Variants in IGSF10 observed in about 807,000 individuals in gnomAD.
IGSF10 encodes the protein immunoglobulin superfamily member 10, also known as calvaria mechanical force protein 608.
IGSF10 carries 126 observed loss-of-function variants against 128.2 expected under a neutral mutation model. The ratio of observed to expected loss-of-function variants is 0.98; its 90% confidence interval spans 0.85 to 1.14. The LOEUF (loss-of-function observed/expected upper bound fraction) is 1.14. Ranked by LOEUF, IGSF10 falls within the 50% of genes most tolerant of loss-of-function variation. The pLI, the probability that IGSF10 is intolerant of heterozygous loss-of-function variation, is 0.00. For missense variants in IGSF10, 3,295 were observed against 3,149.8 expected (o/e 1.05, Z -1.10); for synonymous variants, 1,185 against 1,146.2 (o/e 1.03, Z -0.68).
chr3:151,445,776 G>A lies in IGSF10; in HGVS notation c.4205C>T (p.Thr1402Ile). The change falls in exon 6 of 8, where the codon ACT (threonine) becomes ATT (isoleucine). Residue 1402 changes from threonine (T) to isoleucine (I), a missense_variant. Transcript: ENST00000282466. ...AFTHSPPENT[T>I]GISSTISFHS... ...AAAACTGATTGTGCTTGAAATCCCA[G>A]TTGTGTTTTCTGGTGGGGAATGAGT... 1 of 1,614,226 alleles carries A rather than the reference G, an allele frequency of 6.2e-7. No individual in the cohort carries two copies.
the IGSF10 span, among the ~76,000 whole-genome samples, chr3:151,562,835 G>A: frequency 4.6e-5 from 7 of 152,224 alleles, no homozygotes; most frequent in African/African-American, 1.2e-4. Flanking sequence ...TATCAAGGAC[G>A]TACATACAGG....
At chr3:151,510,059 GACAA>G in the IGSF10 span, among the ~76,000 whole-genome samples, 2 of 152,198 alleles carry the variant, frequency 1.3e-5, no homozygotes, top group African/African-American at 4.8e-5. Context: ...GCAGGGCACA[GACAA>G]ACAAAAGACA....
rs147096769 is a variant in IGSF10 at position 151,437,084 on chromosome 3, T to C, written c.7477A>G (p.Ile2493Val). The change falls in exon 8 of 8, where the codon ATT (isoleucine) becomes GTT (valine). Residue 2493 changes from isoleucine (I) to valine (V), a missense_variant. Ile to Val is a conservative substitution (Grantham distance 29, BLOSUM62 3). Coordinates refer to ENST00000282466, the MANE Select transcript of IGSF10 (RefSeq NM_178822.5). ...YILHDNGTLV[I>V]KEATAYDRGN... The stretch of plus-strand genomic sequence containing the variant: ...CTGTCATAAGCTGTTGCTTCTTTAA[T>C]GACTAAGGTGCCATTGTCATGCAAT... The C allele has an allele frequency of 4.6e-5, 75 of 1,614,122 alleles. No homozygotes were observed. The highest frequency in any genetic ancestry group is 5.9e-5 in the Non-Finnish European group (70 of 1,180,044).
At chr3:151,463,323 G>A (rs924035079), upstream of IGSF10, among the ~76,000 whole-genome samples, 2 of 151,868 alleles carry the variant, frequency 1.3e-5, no homozygotes, top group African/African-American at 2.4e-5. Context: ...TACTTTTATA[G>A]TTAGAGTATA....
chr3:151,447,764 C>G lies in IGSF10; in HGVS notation c.2217G>C (p.Glu739Asp). 1.2e-6 allele frequency: 2 copies of G among 1,614,084 alleles called. No individual in the cohort carries two copies. Among genetic ancestry groups the G allele is most frequent in the Non-Finnish European group, 1.7e-6 (2 of 1,179,998 alleles). ...RGDSTHRRFRENRRHFPPSAR... is the reference protein window; with the variant it reads ...RGDSTHRRFRDNRRHFPPSAR... ...CAGAGGGAGGGAAATGCCTCCTATT[C>G]TCCCTAAAACGTCGATGTGTTGAAT... is the stretch of plus-strand genomic sequence containing the variant. The change falls in exon 6 of 8, where the codon GAG (glutamate) becomes GAC (aspartate). Residue 739 changes from glutamate (E) to aspartate (D), a missense_variant. Glu to Asp is a conservative substitution (Grantham distance 45). Coordinates refer to ENST00000282466, the MANE Select transcript of IGSF10 (RefSeq NM_178822.5).
the IGSF10 span, among the ~76,000 whole-genome samples, chr3:151,476,889 C>T: frequency 1.3e-5 from 2 of 152,118 alleles, no homozygotes; most frequent in Non-Finnish European, 2.9e-5. Flanking sequence ...ATTAACCACC[C>T]TAGGAGTTGT....
In IGSF10 at chr3:151,446,244, TTGTCTC is replaced by T. The variant is rs761316507; in HGVS notation, c.3731_3736del (p.Arg1244_Asp1245del). On this transcript the variant is annotated inframe_deletion, in exon 6 of 8. Coordinates refer to ENST00000282466, the MANE Select transcript of IGSF10 (RefSeq NM_178822.5). ...TGTGGTGAAATGGAAAGGGGAGACT[TTGTCTC>T]TGGGTAAAGCAGGAGATGTTTTAGG... 1.9e-5 allele frequency: 30 copies of T among 1,613,638 alleles called. No individual in the cohort carries two copies. In the African/African-American group the frequency reaches 3.6e-4, roughly 19 times the overall value.
chr3:151,456,585 G>C (rs1413185743), intron 4 of IGSF10, among the ~76,000 whole-genome samples: 1 of 151,920 alleles, frequency 6.6e-6, no homozygotes, highest in Non-Finnish European at 1.5e-5. Context: ...ATGCATTCTT[G>C]GGAGTCCTCT....
Position 151,445,347 on chromosome 3 carries a change from TTAGAG to T in IGSF10, c.4629_4633del (p.Tyr1543Ter). Reference sequence around the variant, plus strand: ...TGGCATGGGAGTAGAATGTAACAGATTAGAGTAGATGAAGTGAGTGGTTCCAATTG... The same window carrying T: ...TGGCATGGGAGTAGAATGTAACAGATTAGATGAAGTGAGTGGTTCCAATTG... On this transcript the variant is annotated stop_gained and frameshift_variant, in exon 6 of 8. Transcript: ENST00000282466. LOFTEE classifies it high-confidence loss of function. 6.2e-7 allele frequency: 1 copy of T among 1,614,130 alleles called. No individual in the cohort carries two copies. Among genetic ancestry groups the T allele is most frequent in the Non-Finnish European group, 8.5e-7 (1 of 1,179,998 alleles).
chr3:151,529,872 C>T, the IGSF10 span, among the ~76,000 whole-genome samples: 10 of 152,088 alleles, frequency 6.6e-5, no homozygotes, highest in African/African-American at 1.9e-4. Flanking sequence ...GACGAATTGA[C>T]AGAAGTAGGC....
At chr3:151,610,969 A>G in the IGSF10 span, among the ~76,000 whole-genome samples, 1 of 152,324 alleles carries the variant, frequency 6.6e-6, no homozygotes, top group East Asian at 1.9e-4. Context: ...TTTAGAGGAT[A>G]CATTCAAACC....
the IGSF10 span, among the ~76,000 whole-genome samples, chr3:151,595,293 C>T: frequency 1.3e-5 from 2 of 151,900 alleles, no homozygotes; most frequent in Non-Finnish European, 2.9e-5. Flanking sequence ...ATGAAATCAG[C>T]CCCCCACAGA....
chr3:151,478,040 G>A, the IGSF10 span, among the ~76,000 whole-genome samples: 1 of 152,024 alleles, frequency 6.6e-6, no homozygotes, highest in African/African-American at 2.4e-5. Context: ...CCTTCTCCAG[G>A]GTGTGCAGGG....
the IGSF10 span, among the ~76,000 whole-genome samples, chr3:151,479,956 A>G: frequency 6.6e-6 from 1 of 152,072 alleles, no homozygotes; most frequent in African/African-American, 2.4e-5. Flanking sequence ...GAAAAAAAAA[A>G]TAAGTGACAA....
chr3:151,492,410 A>G, the IGSF10 span, among the ~76,000 whole-genome samples: 2 of 152,210 alleles, frequency 1.3e-5, no homozygotes, highest in Non-Finnish European at 2.9e-5. Context: ...TGCTGATGGG[A>G]ATATAGACTG....
chr3:151,571,441 T>C, the IGSF10 span, among the ~76,000 whole-genome samples: 1 of 152,218 alleles, frequency 6.6e-6, no homozygotes, highest in Non-Finnish European at 1.5e-5. Flanking sequence ...TTCACATCCC[T>C]TGTAAGTTGG....
chr3:151,522,801 A>T, the IGSF10 span, among the ~76,000 whole-genome samples: 1 of 152,126 alleles, frequency 6.6e-6, no homozygotes, highest in Non-Finnish European at 1.5e-5. Context: ...CTCTTTTACC[A>T]CTGCTGTTCA....
At chr3:151,519,358 T>C in the IGSF10 span, among the ~76,000 whole-genome samples, 2 of 151,550 alleles carry the variant, frequency 1.3e-5, no homozygotes, top group African/African-American at 4.8e-5. Flanking sequence ...AAAGTTAGAT[T>C]TTTAACTGCA....
Position 151,445,394 on chromosome 3 carries a change from GT to G in IGSF10, c.4586del (p.His1529ProfsTer27). The part of the protein sequence containing the change: ...VAEVATSPKV[H>X]PNAKFTIGTT... ...TTCCAATTGTGAACTTGGCATTTGG[GT>G]GAACCTTGGGGGATGTTGCAACCTC... On this transcript the variant is annotated frameshift_variant, in exon 6 of 8. Transcript: ENST00000282466. LOFTEE classifies it high-confidence loss of function. The G allele has an allele frequency of 6.2e-7, 1 of 1,614,232 alleles. No individual in the cohort carries two copies. The highest frequency in any genetic ancestry group is 8.5e-7 in the Non-Finnish European group (1 of 1,180,038).
Sources: allele counts gnomAD v4.1 joint callset (sites outside exome capture counted in the v4.1 genomes callset), GRCh38; gene constraint gnomAD v4.1.1; transcripts MANE v1.5; gene names NCBI Gene and HGNC (gene_info 2026-07-23, HGNC 2026-07-21).